The following GPHN variants were observed in gnomAD, a reference collection of about 807,000 sequenced individuals.
GPHN encodes gephyrin.
Under a neutral mutation model 95.5 loss-of-function variants are expected in GPHN, and 17 were observed. The observed-to-expected ratio is 0.18, with a 90% confidence interval of 0.12 to 0.27. GPHN has a LOEUF of 0.27. Among genes scored for constraint, GPHN ranks in the 10% least tolerant of loss-of-function variants. GPHN has a pLI of 1.00. For missense variants in GPHN, 660 were observed against 978.1 expected (o/e 0.67, Z 4.34); for synonymous variants, 320 against 322.5 (o/e 0.99, Z 0.08).
the GPHN span, among the ~76,000 whole-genome samples, chr14:67,463,378 G>C: frequency 2.0e-5 from 3 of 151,726 alleles, no homozygotes; most frequent in African/African-American, 7.3e-5. Context: ...GGTGGCTCAC[G>C]CCTGTAATCC....
chr14:66,909,236 C>CTATACAACTG (rs1287528120), intron 5 of GPHN, among the ~76,000 whole-genome samples: 1 of 151,964 alleles, frequency 6.6e-6, no homozygotes, highest in Non-Finnish European at 1.5e-5. Flanking sequence ...ACGGGATATT[C>CTATACAACTG]TATACAACTG....
intron 11 of GPHN, 24 bp downstream of exon 11, chr14:67,058,810 CCTTT>C: frequency 6.2e-7 from 1 of 1,604,758 alleles, no homozygotes; most frequent in Non-Finnish European, 8.5e-7. Flanking sequence ...TGACCATTGC[CCTTT>C]CTTTTCTTCA....
At chr14:66,541,699 A>G (rs2059359303) in intron 1 of GPHN, among the ~76,000 whole-genome samples, 1 of 152,200 alleles carries the variant, frequency 6.6e-6, no homozygotes, top group Non-Finnish European at 1.5e-5. Context: ...AGCATTGGAC[A>G]CTGAGGGAGA....
chr14:67,656,437 C>A, the GPHN span: 3 of 1,613,202 alleles, frequency 1.9e-6, no homozygotes, highest in Non-Finnish European at 2.5e-6. Flanking sequence ...TACGTTCTAA[C>A]TGGTCTCGTT....
chr14:67,552,716 G>A, the GPHN span, among the ~76,000 whole-genome samples: 4 of 151,362 alleles, frequency 2.6e-5, no homozygotes, highest in South Asian at 2.1e-4. Flanking sequence ...GCAGTGAGCC[G>A]AGATCGCACC....
chr14:67,223,064 A>G, the GPHN span, among the ~76,000 whole-genome samples: 7 of 149,636 alleles, frequency 4.7e-5, no homozygotes, highest in Non-Finnish European at 7.4e-5. Context: ...CAGTGGCACA[A>G]TCTTGGCTCA....
In GPHN at chr14:67,155,987, A is replaced by G. The variant is rs531049560; in HGVS notation, c.1837-3428A>G. On this transcript the variant is annotated intron_variant, in intron 18 of 22. Transcript: ENST00000478722. Reference sequence around the variant, plus strand: ...TAAAATGCAGGAAAAAAATACTGCCAGTAGGGAACTCTATAGTCATCAAAA... The same window carrying G: ...TAAAATGCAGGAAAAAAATACTGCCGGTAGGGAACTCTATAGTCATCAAAA... 2.0e-4 allele frequency among the ~76,000 whole-genome samples: 30 copies of G among 152,332 alleles called. No individual in the cohort carries two copies. The South Asian group carries it at 2.5e-3, about 13-fold the overall frequency.
At chr14:67,422,691 G>A in the GPHN span, among the ~76,000 whole-genome samples, 25 of 152,232 alleles carry the variant, frequency 1.6e-4, no homozygotes, top group Admixed American at 5.9e-4. Flanking sequence ...AGAATGCTTC[G>A]GGCTGCAAGT....
At chr14:67,295,642 A>G in the GPHN span, among the ~76,000 whole-genome samples, 1 of 152,252 alleles carries the variant, frequency 6.6e-6, no homozygotes, top group African/African-American at 2.4e-5. Context: ...AGAAATGCAA[A>G]TTAAAACATA....
At chr14:67,672,450 T>C in the GPHN span, among the ~76,000 whole-genome samples, 6 of 145,386 alleles carry the variant, frequency 4.1e-5, no homozygotes, top group East Asian at 1.2e-3. Context: ...TTCTTTTCTT[T>C]TTTTTTTTTT....
intron 2 of GPHN, among the ~76,000 whole-genome samples, chr14:66,707,461 C>T (rs1254579850): frequency 6.6e-6 from 1 of 152,178 alleles, no homozygotes; most frequent in Admixed American, 6.5e-5. Context: ...GGTACATATG[C>T]ACCATGGAAC....
At chr14:66,717,726 C>T (rs1046768759) in intron 2 of GPHN, among the ~76,000 whole-genome samples, 2 of 152,208 alleles carry the variant, frequency 1.3e-5, no homozygotes, top group Non-Finnish European at 2.9e-5. Flanking sequence ...TTCCCCTTTT[C>T]CAATGGCTGT....
Position 66,657,388 on chromosome 14 carries a change from A to G in GPHN, c.65-23719A>G, listed in dbSNP as rs1183060788. 2.0e-5 allele frequency among the ~76,000 whole-genome samples: 3 copies of G among 152,226 alleles called. No individual in the cohort carries two copies. In the East Asian group the frequency reaches 5.8e-4, roughly 29 times the overall value. ...TAAAAGTTGCAGCAAGTCATCCATA[A>G]TCTAGCTAAAATCATTGATGAATCT... On this transcript the variant is annotated intron_variant, in intron 1 of 22. Coordinates refer to ENST00000478722, the MANE Select transcript of GPHN (RefSeq NM_020806.5).
the GPHN span, chr14:67,674,324 C>T: frequency 6.8e-7 from 1 of 1,475,192 alleles, no homozygotes. Context: ...AATCTTCCTT[C>T]CAAAGCGCGC....
At chr14:67,206,045 A>G in the GPHN span, among the ~76,000 whole-genome samples, 1 of 152,094 alleles carries the variant, frequency 6.6e-6, no homozygotes, top group Non-Finnish European at 1.5e-5. Flanking sequence ...TTAGCTGGCC[A>G]TGGTGGTGTA....
At chr14:66,824,954 CA>C (rs1167180946) in intron 4 of GPHN, among the ~76,000 whole-genome samples, 1 of 152,060 alleles carries the variant, frequency 6.6e-6, no homozygotes, top group African/African-American at 2.4e-5. Flanking sequence ...TCTAAAATTA[CA>C]GTAAGATGAC....
chr14:67,072,464 T>A (rs2076348696), intron 11 of GPHN, among the ~76,000 whole-genome samples: 1 of 151,980 alleles, frequency 6.6e-6, no homozygotes, highest in Non-Finnish European at 1.5e-5. Context: ...TTTTTGACTG[T>A]TTTCTCAAGT....
chr14:66,843,822 G>A (rs2062198550), intron 4 of GPHN, among the ~76,000 whole-genome samples: 1 of 151,972 alleles, frequency 6.6e-6, no homozygotes, highest in African/African-American at 2.4e-5. Context: ...TTCTCTTTAT[G>A]TAAGAATATA....
intron 12 of GPHN, 40 bp downstream of exon 12, chr14:67,089,115 A>ATTTTTT (rs371624615): frequency 3.6e-4 from 130 of 363,114 alleles, no homozygotes; most frequent in Non-Finnish European, 4.8e-4. Context: ...CAGGCACTGT[A>ATTTTTT]TTTTTTTTTC....
Sources: allele counts gnomAD v4.1 joint callset (sites outside exome capture counted in the v4.1 genomes callset), GRCh38; gene constraint gnomAD v4.1.1; transcripts MANE v1.5; gene names NCBI Gene and HGNC (gene_info 2026-07-23, HGNC 2026-07-21).